The following CCT6B variants were observed in gnomAD, a reference collection of about 807,000 sequenced individuals.
The protein encoded by CCT6B is chaperonin containing TCP1 subunit 6B.
In CCT6B, 49 loss-of-function variants were observed where a neutral mutation model predicts 61.5. The ratio of observed to expected loss-of-function variants is 0.80; its 90% CI spans 0.63 to 1.01. The LOEUF (loss-of-function observed/expected upper bound fraction) is 1.01. Ranked by LOEUF, CCT6B falls within the 50% of genes least tolerant of loss-of-function variation. The pLI is 0.00. For synonymous variants in CCT6B, 228 were observed against 214.5 expected (o/e 1.06, Z -0.55); for missense variants, 666 against 634.7 (o/e 1.05, Z -0.53).
intron 5 of CCT6B, chr17:34,944,020 T>C (rs1393113268): frequency 1.3e-5 from 2 of 152,138 alleles, no homozygotes; most frequent in Admixed American, 6.5e-5. Context: ...ATTTTTGTTA[T>C]ATATTTTTAA....
chr17:34,937,020 T>C (rs188293804), intron 10 of CCT6B, among the ~76,000 whole-genome samples: 193 of 152,174 alleles, frequency 1.3e-3, no homozygotes, highest in Non-Finnish European at 2.0e-3. Context: ...TAACCAGGCA[T>C]GGTAGTGCAT....
At position 34,940,605 on chromosome 17, in the gene CCT6B, GA is replaced by G; in HGVS notation, c.901del (p.Ser301ProfsTer2). On this transcript the variant is annotated frameshift_variant, in exon 8 of 14. Transcript: ENST00000314144. LOFTEE classifies it high-confidence loss of function. ...VINQKGIDPF[S>X]LDSLAKHGIV... ...TCCATGTTTTGCAAGAGAATCTAAG[GA>G]AAATGGATCAATTCCCTATAATCAA... The G allele has an allele frequency of 3.2e-6, 5 of 1,540,788 alleles. No individual in the cohort carries two copies. Among genetic ancestry groups the G allele is most frequent in the Non-Finnish European group, 4.4e-6 (5 of 1,127,084 alleles).
chr17:34,960,787 A>G (rs2090404859), intron 1 of CCT6B, among the ~76,000 whole-genome samples: 1 of 152,240 alleles, frequency 6.6e-6, no homozygotes, highest in Non-Finnish European at 1.5e-5. Flanking sequence ...GAAAAGATGA[A>G]TAGATCTGAA....
chr17:34,948,493 T>A (rs1035622812), intron 5 of CCT6B, among the ~76,000 whole-genome samples: 2 of 151,382 alleles, frequency 1.3e-5, no homozygotes, highest in African/African-American at 4.9e-5. Context: ...GGAGGGTGGA[T>A]CACTTGAGGT....
At chr17:34,949,460 CA>C (rs776789029) in intron 5 of CCT6B, 142 of 38,746 alleles carry the variant, frequency 3.7e-3, no homozygotes, top group Admixed American at 8.4e-3. Context: ...AACACCATCT[CA>C]AAAAAAAAAA....
At chr17:34,946,811 A>G (rs2090229281) in intron 5 of CCT6B, among the ~76,000 whole-genome samples, 1 of 152,242 alleles carries the variant, frequency 6.6e-6, no homozygotes, top group Non-Finnish European at 1.5e-5. Context: ...AAGAGTACCT[A>G]CCTTATGATT....
At chr17:34,959,747 A>G (rs2142188411) in intron 1 of CCT6B, 97 bp from the exon 2 acceptor site, 1 of 780,106 alleles carries the variant, frequency 1.3e-6, no homozygotes, top group Admixed American at 2.0e-5. Flanking sequence ...GGGCTCGGAA[A>G]ACTTCCACTG....
rs374984268 is a variant in CCT6B, at chr17:34,928,098, T to G, written c.1543A>C (p.Ile515Leu). 6.2e-7 allele frequency: 1 copy of G among 1,612,098 alleles called. No homozygotes were observed. Among genetic ancestry groups the G allele is most frequent in the Admixed American group, 1.7e-5 (1 of 59,748 alleles). ...LHSCTVIATN[I>L]LLVDEIMRAG... ...CGCATAATTTCATCAACCAGGAGAA[T>G]GTTGGTGGCAATCACTGTGCTAAGG... Residue 515 changes from isoleucine to leucine, a missense_variant, in exon 14 of 14, where the codon ATT (isoleucine) becomes CTT (leucine). Physicochemically the swap from Ile to Leu is conservative, Grantham distance 5 (BLOSUM62 2). Transcript: ENST00000314144.
intron 3 of CCT6B, among the ~76,000 whole-genome samples, chr17:34,957,236 C>T (rs1264727659): frequency 6.7e-6 from 1 of 149,940 alleles, no homozygotes; most frequent in African/African-American, 2.5e-5. Flanking sequence ...TCTCCACCTC[C>T]TGGGTTCAAG....
intron 5 of CCT6B, chr17:34,943,517 A>G (rs2090190248): frequency 6.6e-6 from 1 of 152,216 alleles, no homozygotes; most frequent in African/African-American, 2.4e-5. Flanking sequence ...GGGCTAGCTG[A>G]TAAGCATAGA....
chr17:34,943,081 T>A (rs1200141420), intron 5 of CCT6B, 175 bp from the exon 6 acceptor site: 1 of 521,588 alleles, frequency 1.9e-6, no homozygotes, highest in Non-Finnish European at 3.4e-6. Context: ...GGGGTCTTGC[T>A]ATGATGTCCA....
intron 3 of CCT6B, among the ~76,000 whole-genome samples, chr17:34,956,683 T>C (rs576977538): frequency 1.1e-4 from 17 of 152,280 alleles, no homozygotes; most frequent in African/African-American, 3.6e-4. Context: ...ATGGACATAA[T>C]ACTAAAGTTG....
Position 34,942,027 on chromosome 17 carries a change from C to A in CCT6B, c.885+457G>T, listed in dbSNP as rs191151396. Among the ~76,000 whole-genome samples the A allele has an allele frequency of 4.0e-5, 6 of 150,650 alleles. No individual in the cohort carries two copies. In the South Asian group the frequency reaches 1.0e-3, roughly 26 times the overall value. On this transcript the variant is annotated intron_variant, in intron 7 of 13. Transcript: ENST00000314144. ...AAGCACTCCAGCTTGGATGACAGAACAAGACCCTGTCTCAAAAGAAAAAAA... is the reference window on the plus strand; with the variant it reads ...AAGCACTCCAGCTTGGATGACAGAAAAAGACCCTGTCTCAAAAGAAAAAAA...
rs1384918867 is a variant in CCT6B, at chr17:34,932,401, T to C, written c.1313A>G (p.Gln438Arg). 1.9e-6 allele frequency: 3 copies of C among 1,612,046 alleles called. No homozygotes were observed. The highest frequency in any genetic ancestry group is 2.5e-6 in the Non-Finnish European group (3 of 1,179,258). Residue 438 changes from glutamine to arginine, a missense_variant, in exon 11 of 14, where the codon CAA becomes CGA. By Grantham distance (43) the Gln-to-Arg change is conservative. Transcript: ENST00000314144. ...SIKGRARLGV[Q>R]AFADALLIIP... ...AATGAGTAAGGCATCAGCAAAAGCT[T>C]GGACTCCAAGACGAGCTCTTCCTTT...
chr17:34,961,132 G>A, intron 1 of CCT6B, 125 bp downstream of exon 1: 1 of 1,222,802 alleles, frequency 8.2e-7, no homozygotes, highest in Non-Finnish European at 1.1e-6. Flanking sequence ...CCAGAGCAGG[G>A]ATGAGAATGA....
intron 13 of CCT6B, among the ~76,000 whole-genome samples, chr17:34,928,367 G>A (rs1021507248): frequency 6.6e-6 from 1 of 151,834 alleles, no homozygotes; most frequent in Non-Finnish European, 1.5e-5. Context: ...CTGCCTCCCA[G>A]GTTCAAGCAA....
At chr17:34,928,274 C>CTT (rs778522093) in intron 13 of CCT6B, among the ~76,000 whole-genome samples, 157 bp from the exon 14 acceptor site, 2,626 of 145,250 alleles carry the variant, frequency 0.018, 59 homozygotes, top group Non-Finnish European at 0.025. Flanking sequence ...CAAATGTCAC[C>CTT]TTTTTTTTTT....
At chr17:34,935,656 G>A (rs2090085414) in intron 10 of CCT6B, among the ~76,000 whole-genome samples, 1 of 152,012 alleles carries the variant, frequency 6.6e-6, no homozygotes, top group Admixed American at 6.5e-5. Context: ...AGGAGTTCGA[G>A]ACCAGCCAGG....
At chr17:34,954,322 T>C (rs1481331502) in intron 4 of CCT6B, 104 bp downstream of exon 4, 7 of 815,738 alleles carry the variant, frequency 8.6e-6, no homozygotes, top group Non-Finnish European at 1.1e-5. Context: ...CCATATTTTA[T>C]GCCCAAAAAA....
Sources: allele counts gnomAD v4.1 joint callset (sites outside exome capture counted in the v4.1 genomes callset), GRCh38; gene constraint gnomAD v4.1.1; transcripts MANE v1.5; gene names NCBI Gene and HGNC (gene_info 2026-07-23, HGNC 2026-07-21).